Variants in KCNQ5 observed in about 807,000 individuals in gnomAD.
The protein encoded by KCNQ5 is potassium voltage-gated channel subfamily KQT member 5.
Under a neutral mutation model 98.2 loss-of-function variants are expected in KCNQ5, and 30 were observed. The ratio of observed to expected loss-of-function variants is 0.31; its 90% confidence interval spans 0.23 to 0.41. The LOEUF (loss-of-function observed/expected upper bound fraction) is 0.41. KCNQ5 is among the 10% of genes least tolerant of loss of function. The pLI is 1.00. For synonymous variants in KCNQ5, 458 were observed against 449.4 expected (o/e 1.02, Z -0.24); for missense variants, 835 against 1,182.5 (o/e 0.71, Z 4.31).
At chr6:72,866,519 T>C (rs1407373475) in intron 1 of KCNQ5, among the ~76,000 whole-genome samples, 1 of 152,130 alleles carries the variant, frequency 6.6e-6, no homozygotes, top group Non-Finnish European at 1.5e-5. Context: ...CCTCCCAAAG[T>C]ACTGTGATTA....
At chr6:73,001,049 A>G (rs967259122) in intron 1 of KCNQ5, among the ~76,000 whole-genome samples, 2 of 152,162 alleles carry the variant, frequency 1.3e-5, no homozygotes, top group African/African-American at 4.8e-5. Context: ...TGCCTTCCAC[A>G]TTTTGTACCC....
intron 1 of KCNQ5, among the ~76,000 whole-genome samples, chr6:72,867,730 G>A (rs1485357127): frequency 6.6e-6 from 1 of 151,922 alleles, no homozygotes; most frequent in African/African-American, 2.4e-5. Context: ...TTGAGGACAG[G>A]AGTTAAAGAC....
intron 1 of KCNQ5, among the ~76,000 whole-genome samples, chr6:72,962,275 A>G (rs941867928): frequency 6.8e-6 from 1 of 147,174 alleles, no homozygotes; most frequent in African/African-American, 2.5e-5. Flanking sequence ...ATACATATAT[A>G]TATATATGGG....
At chr6:73,149,792 G>GAAA (rs57061336) in intron 10 of KCNQ5, among the ~76,000 whole-genome samples, 5 of 98,284 alleles carry the variant, frequency 5.1e-5, no homozygotes, top group African/African-American at 8.1e-5. Flanking sequence ...GGGAGACTCC[G>GAAA]AAAAAAAAAA....
chr6:72,736,395 T>TATA (rs1157977004), intron 1 of KCNQ5, among the ~76,000 whole-genome samples: 1 of 151,494 alleles, frequency 6.6e-6, no homozygotes, highest in Non-Finnish European at 1.5e-5. Context: ...AAAAGATGAA[T>TATA]ATAAATTGCT....
chr6:72,801,669 A>G (rs928271405), intron 1 of KCNQ5, among the ~76,000 whole-genome samples: 7 of 142,736 alleles, frequency 4.9e-5, no homozygotes, highest in Admixed American at 4.9e-4. Flanking sequence ...TCCTGTCATT[A>G]TGACGTTAGC....
chr6:73,094,085 C>T (rs1774371290), intron 5 of KCNQ5, among the ~76,000 whole-genome samples: 1 of 152,054 alleles, frequency 6.6e-6, no homozygotes, highest in South Asian at 2.1e-4. Context: ...TTTGATAGTT[C>T]CAGTGTTCAG....
chr6:73,130,408 G>T (rs1326093756), intron 9 of KCNQ5, among the ~76,000 whole-genome samples: 1 of 152,158 alleles, frequency 6.6e-6, no homozygotes, highest in Non-Finnish European at 1.5e-5. Context: ...GCTCTGCTGA[G>T]CATGGTCCTC....
In KCNQ5 at chr6:72,970,136, G is replaced by T. The variant is rs1419645723; in HGVS notation, c.399-33772G>T. On this transcript the variant is annotated intron_variant, in intron 1 of 13. Transcript: ENST00000370398. ...TAGCAGGGCATGGTGGTGTGCACTAGAAGTTCCAATTACTCCAGAGGCTGA... is the reference window on the plus strand; with the variant it reads ...TAGCAGGGCATGGTGGTGTGCACTATAAGTTCCAATTACTCCAGAGGCTGA... Among the ~76,000 whole-genome samples the T allele has an allele frequency of 5.3e-5, 8 of 152,184 alleles. No homozygotes were observed. The South Asian group carries it at 1.7e-3, about 32-fold the overall frequency.
At chr6:72,985,611 T>G (rs1227022414) in intron 1 of KCNQ5, among the ~76,000 whole-genome samples, 2 of 152,166 alleles carry the variant, frequency 1.3e-5, no homozygotes, top group African/African-American at 4.8e-5. Context: ...CAATGATATT[T>G]CATCTCACAC....
Position 73,138,400 on chromosome 6 carries a change from C to A in KCNQ5, c.1468+4759C>A, listed in dbSNP as rs144823955. On this transcript the variant is annotated intron_variant, in intron 10 of 13. Transcript: ENST00000370398. ...GTCCTACACTTACTGAACCCCACTG[C>A]ATTTGGGAGTGCCTTACAGAATTGC... Among the ~76,000 whole-genome samples, 262 of 152,314 alleles carry A rather than the reference C, an allele frequency of 1.7e-3. 1 individual carries two copies. Among genetic ancestry groups the A allele is most frequent in the Admixed American group, 4.8e-3 (73 of 15,298 alleles).
chr6:73,090,934 A>G (rs1490663165), intron 5 of KCNQ5, among the ~76,000 whole-genome samples: 1 of 152,218 alleles, frequency 6.6e-6, no homozygotes, highest in Non-Finnish European at 1.5e-5. Context: ...AGGATCTAGA[A>G]CTAGACATAC....
chr6:72,848,707 T>C (rs1268576346), intron 1 of KCNQ5, among the ~76,000 whole-genome samples: 2 of 152,090 alleles, frequency 1.3e-5, no homozygotes, highest in Non-Finnish European at 2.9e-5. Context: ...TATGAAGCCA[T>C]GTTGTGGGAG....
At chr6:72,777,217 C>T (rs1470315042) in intron 1 of KCNQ5, among the ~76,000 whole-genome samples, 1 of 152,096 alleles carries the variant, frequency 6.6e-6, no homozygotes, top group African/African-American at 2.4e-5. Flanking sequence ...AGTTTGGCCA[C>T]TCAGATGGCT....
At chr6:72,905,807 G>A (rs1297320835) in intron 1 of KCNQ5, among the ~76,000 whole-genome samples, 1 of 152,130 alleles carries the variant, frequency 6.6e-6, no homozygotes, top group African/African-American at 2.4e-5. Flanking sequence ...GTGTCAGGGG[G>A]GTGAAATGGA....
intron 1 of KCNQ5, among the ~76,000 whole-genome samples, chr6:72,705,078 A>AT (rs1474523326): frequency 1.3e-5 from 2 of 151,922 alleles, no homozygotes; most frequent in Admixed American, 1.3e-4. Context: ...TGCTCAATCT[A>AT]TTTTTCCATC....
chr6:72,983,508 G>T (rs1464908874), intron 1 of KCNQ5, among the ~76,000 whole-genome samples: 1 of 152,084 alleles, frequency 6.6e-6, no homozygotes, highest in African/African-American at 2.4e-5. Flanking sequence ...TCATGCCATG[G>T]TTTTCAGCTC....
chr6:72,941,556 C>CTCCTTCCTTCCTCCT (rs1289567012), intron 1 of KCNQ5, among the ~76,000 whole-genome samples: 4 of 113,154 alleles, frequency 3.5e-5, no homozygotes, highest in African/African-American at 1.3e-4. Context: ...TCCTTCTTCC[C>CTCCTTCCTTCCTCCT]TCCCTCCTTC....
rs968518313 is a variant in KCNQ5 at position 72,907,180 on chromosome 6, G to A, written c.399-96728G>A. ...TATAAAAGTCTACCCCCGGAGAGGAGGGAGAGGATCAGAAAAAATACTGTT... is the reference window on the plus strand; with the variant it reads ...TATAAAAGTCTACCCCCGGAGAGGAAGGAGAGGATCAGAAAAAATACTGTT... On this transcript the variant is annotated intron_variant, in intron 1 of 13. Transcript: ENST00000370398. Among the ~76,000 whole-genome samples the A allele has an allele frequency of 4.6e-5, 7 of 152,146 alleles. No homozygotes were observed. The East Asian group carries it at 1.3e-3, about 29-fold the overall frequency.
Sources: gnomAD v4.1 joint callset for allele counts (sites outside exome capture counted in the v4.1 genomes callset) on GRCh38, gnomAD v4.1.1 for gene constraint, MANE v1.5 for transcripts, NCBI Gene and HGNC (gene_info 2026-07-23, HGNC 2026-07-21) for gene names.